Variants in STARD9 observed in about 807,000 individuals in gnomAD.
STARD9 encodes the protein stAR-related lipid transfer protein 9.
In STARD9, 346 loss-of-function variants were observed where a neutral mutation model predicts 399.8. The ratio of observed to expected loss-of-function variants is 0.87; its 90% CI spans 0.79 to 0.95. The LOEUF is 0.95. Among genes scored for constraint, STARD9 ranks in the 40% least tolerant of loss-of-function variants. The pLI is 0.00. For missense variants in STARD9, 5,832 were observed against 5,667.5 expected, an observed-to-expected ratio of 1.03 and a Z score of -0.93; for synonymous variants, 2,203 against 2,143.5, an observed-to-expected ratio of 1.03 and a Z score of -0.77.
At chr15:42,609,544 A>G (rs899502611) in intron 3 of STARD9, among the ~76,000 whole-genome samples, 10 of 151,826 alleles carry the variant, frequency 6.6e-5, no homozygotes, top group Admixed American at 5.9e-4. Flanking sequence ...GGTTCAAGCA[A>G]TTCTCCTGCT....
In STARD9 at chr15:42,612,627, C is replaced by T. The variant is rs1419225330; in HGVS notation, c.235-22229C>T. Among the ~76,000 whole-genome samples the T allele has an allele frequency of 3.3e-5, 5 of 152,168 alleles. No individual in the cohort carries two copies. In the East Asian group the frequency reaches 5.8e-4, roughly 18 times the overall value. On this transcript the variant is annotated intron_variant, in intron 3 of 32. Coordinates refer to ENST00000290607, the MANE Select transcript of STARD9 (RefSeq NM_020759.3). ...TAGCCTCATAAGGAATTTATCAGATCTCACATGCTACTCGGACAGTTGTCC... is the reference window on the plus strand; with the variant it reads ...TAGCCTCATAAGGAATTTATCAGATTTCACATGCTACTCGGACAGTTGTCC...
Position 42,682,363 on chromosome 15 carries a change from C to A in STARD9, c.2325C>A (p.Ile775=). 2.0e-6 allele frequency: 3 copies of A among 1,537,240 alleles called. No individual in the cohort carries two copies. The highest frequency in any genetic ancestry group is 2.6e-6 in the Non-Finnish European group (3 of 1,146,904). Residue 775 remains isoleucine, a synonymous_variant, in exon 22 of 33, where the codon ATC becomes ATA. Coordinates refer to ENST00000290607, the MANE Select transcript of STARD9 (RefSeq NM_020759.3). ...AGGTCTCATTCCAGCTAGAGAGAAT[C>A]ATCAAAAAGCAGAGGCTGCTGGAGG... The part of the protein sequence containing the change: ...RKKVSFQLER[I]IKKQRLLEAQ...
chr15:42,618,864 G>A (rs1204568126), intron 3 of STARD9, among the ~76,000 whole-genome samples: 4 of 152,002 alleles, frequency 2.6e-5, no homozygotes, highest in Non-Finnish European at 5.9e-5. Flanking sequence ...GAGCCATCGC[G>A]CCTGGCCAAC....
At position 42,648,395 on chromosome 15, in the gene STARD9, G is replaced by A. The variant is rs557447437; in HGVS notation, c.560-2621G>A. The stretch of plus-strand genomic sequence containing the variant: ...CCAGGCTGATCTTGAACTCCTGACC[G>A]AAAGTAATCCACTGGCCTCGGCCTC... On this transcript the variant is annotated intron_variant, in intron 7 of 32. Transcript: ENST00000290607. 5.3e-5 allele frequency among the ~76,000 whole-genome samples: 8 copies of A among 152,132 alleles called. No individual in the cohort carries two copies. In the South Asian group the frequency reaches 1.5e-3, roughly 28 times the overall value.
intron 30 of STARD9, 65 bp from the exon 31 acceptor site, chr15:42,718,370 C>G (rs1436230319): frequency 1.4e-6 from 2 of 1,389,442 alleles, no homozygotes; most frequent in African/African-American, 2.9e-5. Flanking sequence ...GCTCCCTGAC[C>G]AGGAAGGCTT....
chr15:42,653,188 A>C (rs991734440), intron 9 of STARD9, among the ~76,000 whole-genome samples: 10 of 152,226 alleles, frequency 6.6e-5, no homozygotes, highest in African/African-American at 2.4e-4. Flanking sequence ...GGACATTTAA[A>C]ACAAAAGGTT....
rs765948146 is a variant in STARD9 at position 42,687,309 on chromosome 15, C to T, written c.5731C>T (p.Arg1911Cys). ...TGAGTCTGGGAAGTCTCTCCTCTTT[C>T]GTGAATCTGAGGCACGAGAGGAAGA... ...STESGKSLLF[R>C]ESEAREEEEL... is the part of the protein sequence containing the mutation. The change falls in exon 23 of 33, where the codon CGT becomes TGT. Residue 1911 changes from arginine to cysteine, a missense_variant. This residue lies in a region of STARD9 where 5,828 missense variants were observed against 5,651.1 expected (regional missense o/e 1.03). Coordinates refer to ENST00000290607, the MANE Select transcript of STARD9 (RefSeq NM_020759.3). The T allele has an allele frequency of 1.2e-5, 19 of 1,536,628 alleles. No homozygotes were observed. Among genetic ancestry groups the T allele is most frequent in the Admixed American group, 5.9e-5 (3 of 50,984 alleles).
chr15:42,647,585 CTTCTT>C (rs977985782), intron 7 of STARD9, among the ~76,000 whole-genome samples: 2 of 151,976 alleles, frequency 1.3e-5, no homozygotes, highest in African/African-American at 2.4e-5. Flanking sequence ...GTATTTTTAT[CTTCTT>C]TTCTACTTTT....
intron 1 of STARD9, among the ~76,000 whole-genome samples, chr15:42,576,502 C>G (rs1284233335): frequency 6.6e-6 from 1 of 152,064 alleles, no homozygotes; most frequent in Non-Finnish European, 1.5e-5. Context: ...AAAGAGCCTT[C>G]TATGTAGTAA....
chr15:42,670,235 A>G (rs2060178471), intron 16 of STARD9: 1 of 152,246 alleles, frequency 6.6e-6, no homozygotes, highest in African/African-American at 2.4e-5. Context: ...AGACAGAGAA[A>G]GTAGGTAAAG....
At chr15:42,719,263 G>A (rs746137128) in intron 32 of STARD9, among the ~76,000 whole-genome samples, 3 of 152,106 alleles carry the variant, frequency 2.0e-5, no homozygotes, top group Admixed American at 6.5e-5. Flanking sequence ...CACCTCTCCC[G>A]TCCCAGTCCC....
At chr15:42,625,335 A>G (rs928541701) in intron 3 of STARD9, among the ~76,000 whole-genome samples, 3 of 129,926 alleles carry the variant, frequency 2.3e-5, no homozygotes, top group African/African-American at 8.8e-5. Context: ...CCTTAAAGCT[A>G]TTTTCTGTTT....
chr15:42,674,375 C>T lies in STARD9; in HGVS notation c.1498-65C>T, dbSNP rs1187009404. 20 of 1,262,910 alleles carry T rather than the reference C, an allele frequency of 1.6e-5. No homozygotes were observed. The Admixed American group carries it at 4.0e-4, about 25-fold the overall frequency. The allele number at this position is 1,262,910 out of a possible 1,614,324, so 78.2% of individuals were successfully genotyped here. On this transcript the variant is annotated intron_variant, in intron 16 of 32. Coordinates refer to ENST00000290607, the MANE Select transcript of STARD9 (RefSeq NM_020759.3). The stretch of plus-strand genomic sequence containing the variant: ...GACAGTGAGAATATTCTAATGTGGA[C>T]TCTCCTGTAGGGCAAGGCTCTGTCC...
Position 42,686,403 on chromosome 15 carries a change from G to A in STARD9, c.4825G>A (p.Ala1609Thr). 2.0e-6 allele frequency: 3 copies of A among 1,537,704 alleles called. No homozygotes were observed. The highest frequency in any genetic ancestry group is 2.6e-6 in the Non-Finnish European group (3 of 1,147,038). ...ASRSTNAQVF[A>T]TENAIPDSMT... ...TCGATCTACAAATGCACAGGTCTTT[G>A]CAACAGAGAACGCGATACCAGATTC... The change falls in exon 23 of 33, where the codon GCA (alanine) becomes ACA (threonine). Residue 1609 changes from alanine to threonine, a missense_variant. By Grantham distance (58) the Ala-to-Thr change is moderately conservative. Around this residue, in one of 2 missense-constraint regions of STARD9, gnomAD observed 5,828 missense variants for 5,651.1 expected, o/e 1.03. Transcript: ENST00000290607.
intron 3 of STARD9, among the ~76,000 whole-genome samples, chr15:42,632,748 G>A (rs1163974262): frequency 6.6e-6 from 1 of 152,104 alleles, no homozygotes; most frequent in African/African-American, 2.4e-5. Flanking sequence ...AGGCCGAGGC[G>A]AGATGATCCC....
intron 13 of STARD9, among the ~76,000 whole-genome samples, chr15:42,664,721 A>G (rs1188455258): frequency 1.3e-5 from 2 of 151,832 alleles, no homozygotes; most frequent in Admixed American, 6.6e-5. Context: ...CTCTATGCAA[A>G]TTGCAGTGAC....
chr15:42,663,326 C>T lies in STARD9; in HGVS notation c.914C>T (p.Ser305Leu). ...AGCAGCTGCCAGAGCCTCAACAGCT[C>T]AGTCAGCAATGGTGGTGACAGTGGG... ...VFSSCQSLNS[S>L]VSNGGDSGIL... The change falls in exon 12 of 33, where the codon TCA (serine) becomes TTA (leucine). Residue 305 changes from serine to leucine, a missense_variant. Ser to Leu is a moderately radical substitution (Grantham distance 145, BLOSUM62 -2). Around this residue, in one of 2 missense-constraint regions of STARD9, gnomAD observed 5,828 missense variants for 5,651.1 expected, o/e 1.03. Transcript: ENST00000290607. 2 of 1,537,360 alleles carry T rather than the reference C, an allele frequency of 1.3e-6. No homozygotes were observed. The highest frequency in any genetic ancestry group is 8.7e-7 in the Non-Finnish European group (1 of 1,146,906).
chr15:42,648,580 A>T (rs2059691690), intron 7 of STARD9, among the ~76,000 whole-genome samples: 1 of 152,190 alleles, frequency 6.6e-6, no homozygotes, highest in Non-Finnish European at 1.5e-5. Context: ...GTTTTTGCTG[A>T]GAAGTCATCT....
chr15:42,711,037 G>A (rs1424165753), intron 26 of STARD9, among the ~76,000 whole-genome samples: 3 of 151,088 alleles, frequency 2.0e-5, no homozygotes, highest in Non-Finnish European at 2.9e-5. Flanking sequence ...GACTGCTGTG[G>A]TGCAATCACA....
Sources: allele counts gnomAD v4.1 joint callset (sites outside exome capture counted in the v4.1 genomes callset), GRCh38; gene constraint gnomAD v4.1.1; regional missense constraint gnomAD v4.1.1; transcripts MANE v1.5; gene names NCBI Gene and HGNC (gene_info 2026-07-23, HGNC 2026-07-21).